USH2A: variants seen among roughly 807,000 people sequenced by gnomAD.
The protein encoded by USH2A is usherin.
In USH2A, 443 loss-of-function variants were observed where a neutral mutation model predicts 538.9. The observed-to-expected ratio is 0.82, with a 90% CI of 0.76 to 0.89. The LOEUF is 0.89. Ranked by LOEUF, USH2A falls within the 40% of genes least tolerant of loss-of-function variation. The pLI, the probability that USH2A is intolerant of heterozygous loss-of-function variation, is 0.00. For missense variants in USH2A, 6,633 were observed against 6,324.8 expected (o/e 1.05, Z -1.65); for synonymous variants, 2,413 against 2,273.5 (o/e 1.06, Z -1.75).
intron 36 of USH2A, among the ~76,000 whole-genome samples, chr1:215,968,022 A>G (rs1667398314): frequency 6.6e-6 from 1 of 152,120 alleles, no homozygotes; most frequent in African/African-American, 2.4e-5. Flanking sequence ...AAGCAAAGTG[A>G]TTTTCTTATG....
intron 3 of USH2A, among the ~76,000 whole-genome samples, chr1:216,385,701 A>C (rs1253202888): frequency 1.3e-5 from 2 of 152,192 alleles, no homozygotes; most frequent in African/African-American, 4.8e-5. Flanking sequence ...TTGATTATTG[A>C]ACTGTATCCT....
chr1:215,671,799 G>T (rs1657826066), intron 63 of USH2A, among the ~76,000 whole-genome samples: 1 of 152,158 alleles, frequency 6.6e-6, no homozygotes, highest in Admixed American at 6.5e-5. Context: ...AGAGCTAAAT[G>T]ATCCCTCAGG....
intron 37 of USH2A, among the ~76,000 whole-genome samples, chr1:215,940,057 A>T (rs1666598130): frequency 6.6e-6 from 1 of 152,142 alleles, no homozygotes; most frequent in South Asian, 2.1e-4. Context: ...CATGACAAAG[A>T]TTATAATGAG....
chr1:216,311,505 G>A (rs1364520083), intron 9 of USH2A, among the ~76,000 whole-genome samples: 2 of 152,118 alleles, frequency 1.3e-5, no homozygotes, highest in Non-Finnish European at 2.9e-5. Flanking sequence ...TCATATTTGA[G>A]TTCTGGACTA....
At chr1:216,099,534 A>G (rs2032526093) in intron 21 of USH2A, among the ~76,000 whole-genome samples, 1 of 152,212 alleles carries the variant, frequency 6.6e-6, no homozygotes, top group South Asian at 2.1e-4. Context: ...AGACTAAGGC[A>G]ACAAAATTCA....
At chr1:215,988,132 C>G (rs1407276068) in intron 35 of USH2A, among the ~76,000 whole-genome samples, 1 of 151,850 alleles carries the variant, frequency 6.6e-6, no homozygotes, top group Non-Finnish European at 1.5e-5. Context: ...AGTTGTAGAA[C>G]TTTTTCGTCT....
intron 44 of USH2A, among the ~76,000 whole-genome samples, chr1:215,858,049 A>G (rs1223039479): frequency 1.3e-5 from 2 of 152,192 alleles, no homozygotes; most frequent in Non-Finnish European, 2.9e-5. Flanking sequence ...CTTAAAAACT[A>G]CAATGTGAAT....
chr1:215,838,155 C>A, intron 46 of USH2A, 52 bp from the exon 47 acceptor site: 5 of 1,389,832 alleles, frequency 3.6e-6, no homozygotes, highest in Non-Finnish European at 5.1e-6. Flanking sequence ...GAAATACTTA[C>A]TAACAATAGT....
intron 21 of USH2A, among the ~76,000 whole-genome samples, chr1:216,106,317 CTATA>C (rs10589896): frequency 2.1e-5 from 3 of 146,190 alleles, no homozygotes; most frequent in East Asian, 2.0e-4. Flanking sequence ...TATATGTATA[CTATA>C]TATATATATA....
intron 37 of USH2A, among the ~76,000 whole-genome samples, chr1:215,962,245 T>C (rs889213601): frequency 3.9e-5 from 6 of 152,082 alleles, no homozygotes; most frequent in Non-Finnish European, 7.4e-5. Context: ...GGAATGAAAT[T>C]TGACAGTATC....
intron 40 of USH2A, among the ~76,000 whole-genome samples, chr1:215,896,316 G>T (rs1235054354): frequency 2.0e-5 from 3 of 149,840 alleles, no homozygotes; most frequent in Non-Finnish European, 4.4e-5. Flanking sequence ...TTTTTTTTTT[G>T]AGGGTAGGGA....
At chr1:215,703,536 G>C (rs1315329732) in intron 61 of USH2A, among the ~76,000 whole-genome samples, 4 of 152,224 alleles carry the variant, frequency 2.6e-5, no homozygotes, top group African/African-American at 7.2e-5. Context: ...TAGAGAGGCA[G>C]TCTGGCTACA....
At chr1:216,325,742 A>C (rs1558039046) in intron 5 of USH2A, 143 bp from the exon 6 acceptor site, 1 of 806,216 alleles carries the variant, frequency 1.2e-6, no homozygotes, top group Non-Finnish European at 1.9e-6. Flanking sequence ...TGAAACATAA[A>C]ATAAAACTTA....
At chr1:215,992,996 T>C (rs1449851898) in intron 35 of USH2A, 24 bp downstream of exon 35, 2 of 1,613,860 alleles carry the variant, frequency 1.2e-6, no homozygotes, top group African/African-American at 2.7e-5. Context: ...TCTTTTTAAC[T>C]TGAGGCTAAA....
chr1:216,039,051 T>C (rs1364953081), intron 32 of USH2A, among the ~76,000 whole-genome samples: 1 of 152,082 alleles, frequency 6.6e-6, no homozygotes, highest in Non-Finnish European at 1.5e-5. Context: ...GGGTGCATTA[T>C]AGAAGCACCT....
chr1:216,080,672 G>A (rs1194169531), intron 26 of USH2A, among the ~76,000 whole-genome samples: 1 of 151,252 alleles, frequency 6.6e-6, no homozygotes, highest in Non-Finnish European at 1.5e-5. Context: ...ATATATTGAG[G>A]GAAAAGAGCC....
chr1:216,320,945 A>G (rs2037595224), intron 9 of USH2A, among the ~76,000 whole-genome samples: 1 of 151,926 alleles, frequency 6.6e-6, no homozygotes, highest in Non-Finnish European at 1.5e-5. Context: ...TATGTCATTA[A>G]TTTCCTTCAT....
At chr1:216,175,547 A>G in intron 20 of USH2A, 65 bp from the exon 21 acceptor site, 1 of 1,404,858 alleles carries the variant, frequency 7.1e-7, no homozygotes, top group Admixed American at 1.7e-5. Flanking sequence ...ACACATATTC[A>G]CATATACGTA....
intron 61 of USH2A, among the ~76,000 whole-genome samples, chr1:215,704,437 C>T (rs767141530): frequency 6.6e-6 from 1 of 152,238 alleles, no homozygotes; most frequent in Non-Finnish European, 1.5e-5. Context: ...CACTTACCAT[C>T]TCTCCTAGAT....
Sources: allele counts gnomAD v4.1 joint callset (sites outside exome capture counted in the v4.1 genomes callset), GRCh38; gene constraint gnomAD v4.1.1; transcripts MANE v1.5; gene names NCBI Gene and HGNC (gene_info 2026-07-23, HGNC 2026-07-21).